Variants in HPCAL1 observed in about 807,000 individuals in gnomAD.
HPCAL1 encodes hippocalcin-like protein 1.
HPCAL1 carries 8 observed loss-of-function variants against 17.1 expected under a neutral mutation model. The ratio of observed to expected loss-of-function variants is 0.47; its 90% CI spans 0.27 to 0.84. The LOEUF is 0.84. Among genes scored for constraint, HPCAL1 ranks in the 40% least tolerant of loss-of-function variants. HPCAL1 has a pLI of 0.13. For synonymous variants in HPCAL1, 112 were observed against 111.4 expected (o/e 1.01, Z -0.03); for missense variants, 165 against 271.1 (o/e 0.61, Z 2.75).
At chr2:10,417,303 C>T (rs1670734291) in intron 2 of HPCAL1, among the ~76,000 whole-genome samples, 1 of 151,384 alleles carries the variant, frequency 6.6e-6, no homozygotes, top group Admixed American at 6.6e-5. Flanking sequence ...GCGGAGGTTG[C>T]AGTGAGCTGA....
chr2:10,397,663 T>C (rs1364675804), intron 2 of HPCAL1, among the ~76,000 whole-genome samples: 4 of 152,176 alleles, frequency 2.6e-5, no homozygotes, highest in African/African-American at 9.7e-5. Flanking sequence ...GAATCCTTCC[T>C]GGCCCTGCCT....
chr2:10,343,597 A>G lies in HPCAL1; in HGVS notation c.-111+40420A>G, dbSNP rs549637139. Among the ~76,000 whole-genome samples the G allele has an allele frequency of 3.7e-4, 57 of 152,312 alleles. No homozygotes were observed. Among genetic ancestry groups the G allele is most frequent in the African/African-American group, 1.3e-3 (55 of 41,572 alleles). On this transcript the variant is annotated intron_variant, in intron 1 of 4. Transcript: ENST00000307845. This position sits in a 1 kb window ranked among gnomAD's most constrained non-coding sequence, Gnocchi z 4.8. ...GGGCATGGCTTTAGGTGGGACCTCC[A>G]CTATATGGGTTTGCAAGCTGCCACT...
intron 2 of HPCAL1, among the ~76,000 whole-genome samples, chr2:10,401,904 T>C (rs1460297990): frequency 6.6e-6 from 1 of 152,060 alleles, no homozygotes; most frequent in East Asian, 1.9e-4. Flanking sequence ...TTGCTGTTGT[T>C]GTTGTTTTTG....
chr2:10,307,509 C>G (rs13010136), intron 1 of HPCAL1, among the ~76,000 whole-genome samples: 14,856 of 152,284 alleles, frequency 0.098, 812 homozygotes, highest in Middle Eastern at 0.18. Flanking sequence ...AGACCTAACA[C>G]TAGGTGTGGG....
At chr2:10,422,713 C>A (rs1278754905) in intron 3 of HPCAL1, among the ~76,000 whole-genome samples, 2 of 152,234 alleles carry the variant, frequency 1.3e-5, no homozygotes, top group Admixed American at 1.3e-4. Flanking sequence ...CACTTAGGCA[C>A]CTTCCTGGCA....
At chr2:10,399,129 G>A (rs1488784990) in intron 2 of HPCAL1, among the ~76,000 whole-genome samples, 2 of 151,400 alleles carry the variant, frequency 1.3e-5, no homozygotes, top group Admixed American at 6.6e-5. Context: ...GAAGAGGGTA[G>A]AGGAGGTGGT....
chr2:10,303,959 T>C (rs577188937), intron 1 of HPCAL1: 2 of 152,420 alleles, frequency 1.3e-5, no homozygotes, highest in Non-Finnish European at 2.9e-5. Flanking sequence ...ACTGTGTTAA[T>C]TGGATTAGCG....
chr2:10,401,078 G>A (rs1196662315), intron 2 of HPCAL1, among the ~76,000 whole-genome samples: 1 of 152,170 alleles, frequency 6.6e-6, no homozygotes, highest in Non-Finnish European at 1.5e-5. Flanking sequence ...AGCCACACAG[G>A]CAGCCACAGC....
At chr2:10,387,571 G>A (rs902553179) in intron 1 of HPCAL1, among the ~76,000 whole-genome samples, 1 of 152,208 alleles carries the variant, frequency 6.6e-6, no homozygotes, top group African/African-American at 2.4e-5. Flanking sequence ...CTGCATTCCT[G>A]TTGGTCCTTT....
chr2:10,408,899 G>A (rs1235201096), intron 2 of HPCAL1, among the ~76,000 whole-genome samples: 1 of 152,156 alleles, frequency 6.6e-6, no homozygotes, highest in Admixed American at 6.5e-5. Context: ...ACCCAGCACT[G>A]CCCACGGGAA....
At chr2:10,357,339 C>T (rs1186571387) in intron 1 of HPCAL1, among the ~76,000 whole-genome samples, 1 of 152,206 alleles carries the variant, frequency 6.6e-6, no homozygotes, top group African/African-American at 2.4e-5. Context: ...GCTCTTTCTC[C>T]TGCGTGCTTT....
In HPCAL1 at chr2:10,384,029, C is replaced by CCCA. The variant is rs33913609; in HGVS notation, c.-110-12805_-110-12804insCAC. On this transcript the variant is annotated intron_variant, in intron 1 of 4. Coordinates refer to ENST00000307845, the MANE Select transcript of HPCAL1 (RefSeq NM_002149.4). The surrounding 1 kb of genome is among the most constrained non-coding windows in gnomAD (Gnocchi z 4.4). ...ATATACATCGCGTACACACACACAC[C>CCCA]CACACACACACACACCTTTTGCTGG... is the stretch of plus-strand genomic sequence containing the variant. 0.64 allele frequency among the ~76,000 whole-genome samples: 95,711 copies of CCCA among 149,778 alleles called. 30,985 individuals are homozygous for CCCA. Among genetic ancestry groups the CCCA allele is most frequent in the East Asian group, 0.8 (4,036 of 5,022 alleles).
intron 1 of HPCAL1, among the ~76,000 whole-genome samples, chr2:10,329,327 G>C (rs1349048745): frequency 6.6e-6 from 1 of 152,204 alleles, no homozygotes; most frequent in Admixed American, 6.5e-5. Context: ...CTTGAGGTGG[G>C]GACAGTATCC....
At chr2:10,314,556 A>C (rs1233976634) in intron 1 of HPCAL1, among the ~76,000 whole-genome samples, 1 of 152,168 alleles carries the variant, frequency 6.6e-6, no homozygotes, top group Non-Finnish European at 1.5e-5. Context: ...CCTTATTTAG[A>C]AGCTGTTTAC....
chr2:10,426,927 C>A lies in HPCAL1; in HGVS notation c.*106C>A. 1 of 1,092,820 alleles carries A rather than the reference C, an allele frequency of 9.2e-7. No homozygotes were observed. The highest frequency in any genetic ancestry group is 1.4e-6 in the Non-Finnish European group (1 of 732,088). 67.7% of individuals were successfully genotyped at this position (1,092,820 alleles called of 1,614,324 possible). On this transcript the variant is annotated 3_prime_UTR_variant, in exon 5 of 5. Coordinates refer to ENST00000307845, the MANE Select transcript of HPCAL1 (RefSeq NM_002149.4). ...CAATCGTTCCTGCTCTCCCGGGCCC[C>A]GGGCCTGGGGCATGCGTTGCACCTG...
At chr2:10,357,559 C>A (rs882817) in intron 1 of HPCAL1, among the ~76,000 whole-genome samples, 31,565 of 151,966 alleles carry the variant, frequency 0.21, 3,609 homozygotes, top group African/African-American at 0.29. Context: ...GTTTCCTCCG[C>A]GGAGTGTGTT....
intron 2 of HPCAL1, among the ~76,000 whole-genome samples, chr2:10,411,384 C>T (rs886422914): frequency 6.6e-6 from 1 of 152,210 alleles, no homozygotes; most frequent in Non-Finnish European, 1.5e-5. Flanking sequence ...TGCCTCCTCT[C>T]GGCCTAGCCA....
intron 1 of HPCAL1, among the ~76,000 whole-genome samples, chr2:10,339,132 CT>C (rs1360203628): frequency 6.6e-6 from 1 of 151,992 alleles, no homozygotes; most frequent in African/African-American, 2.4e-5. Flanking sequence ...TTATACTCAT[CT>C]CTCTGTTTTA....
At chr2:10,418,037 A>G (rs1670783091) in intron 2 of HPCAL1, among the ~76,000 whole-genome samples, 1 of 152,116 alleles carries the variant, frequency 6.6e-6, no homozygotes, top group South Asian at 2.1e-4. Flanking sequence ...GCCTGTCTCA[A>G]AAAATAAATA....
Sources: gnomAD v4.1 joint callset for allele counts (sites outside exome capture counted in the v4.1 genomes callset) on GRCh38, gnomAD v4.1.1 for gene constraint, Gnocchi (gnomAD v3.1) non-coding constraint, MANE v1.5 for transcripts, NCBI Gene and HGNC (gene_info 2026-07-23, HGNC 2026-07-21) for gene names.